LIN9: variants seen among roughly 807,000 people sequenced by gnomAD.
LIN9 encodes protein lin-9 homolog.
LIN9 carries 18 observed loss-of-function variants against 78.0 expected under a neutral mutation model. The observed-to-expected ratio is 0.23, with a 90% CI of 0.16 to 0.34. LIN9 has a LOEUF of 0.34. LIN9 is among the 10% of genes least tolerant of loss of function. The probability of loss-of-function intolerance (pLI) is 1.00; values close to 1 mark genes in which losing one functional copy is unlikely to be tolerated. For synonymous variants in LIN9, 192 were observed against 215.2 expected, an observed-to-expected ratio of 0.89 and a Z score of 0.94; for missense variants, 451 against 644.1, an observed-to-expected ratio of 0.70 and a Z score of 3.25.
chr1:226,245,428 TCCCC>T (rs34415897), intron 11 of LIN9, among the ~76,000 whole-genome samples: 2 of 150,844 alleles, frequency 1.3e-5, no homozygotes, highest in South Asian at 2.1e-4. Flanking sequence ...TTGTCTTTTT[TCCCC>T]CCCCCCAAGA....
chr1:226,299,226 G>C (rs756334862), intron 2 of LIN9, among the ~76,000 whole-genome samples: 1 of 151,840 alleles, frequency 6.6e-6, no homozygotes. Flanking sequence ...AATGAGTGCC[G>C]GGTGCAGTGG....
intron 6 of LIN9, among the ~76,000 whole-genome samples, chr1:226,282,270 C>T (rs946053920): frequency 2.6e-5 from 4 of 152,248 alleles, no homozygotes; most frequent in Non-Finnish European, 5.9e-5. Flanking sequence ...CAATCTTTTA[C>T]TACTACAAAC....
intron 12 of LIN9, among the ~76,000 whole-genome samples, chr1:226,235,628 T>A (rs1452030049): frequency 6.6e-6 from 1 of 152,198 alleles, no homozygotes; most frequent in East Asian, 1.9e-4. Context: ...ACTCAAAAAA[T>A]TTTGGACTTT....
chr1:226,298,876 G>A (rs1040420365), intron 2 of LIN9, among the ~76,000 whole-genome samples: 1 of 152,054 alleles, frequency 6.6e-6, no homozygotes, highest in Non-Finnish European at 1.5e-5. Flanking sequence ...TGGGCAACAT[G>A]GCAAGTCTCT....
chr1:226,278,018 A>G lies in LIN9; in HGVS notation c.525-86T>C, dbSNP rs560812455. ...TTTTTTTTTTCTTTTTTTGAGATAG[A>G]GTCTGGCTCTGTCATCCAGGCTGGA... On this transcript the variant is annotated intron_variant, in intron 6 of 14. Transcript: ENST00000681046. The G allele has an allele frequency of 7.9e-5, 89 of 1,122,518 alleles. No individual in the cohort carries two copies. The East Asian group carries it at 2.2e-3, about 28-fold the overall frequency. 69.5% of individuals were successfully genotyped at this position (1,122,518 alleles called of 1,614,324 possible). A position where few individuals can be genotyped will look rare whatever the true frequency, so the allele number is the denominator to read the frequency against.
chr1:226,257,198 C>T (rs1266985558), intron 10 of LIN9, among the ~76,000 whole-genome samples: 2 of 151,618 alleles, frequency 1.3e-5, no homozygotes, highest in Non-Finnish European at 2.9e-5. Context: ...GATCTACCCA[C>T]CTCAGCCTCC....
intron 1 of LIN9, among the ~76,000 whole-genome samples, chr1:226,308,258 C>T (rs1471129076): frequency 1.3e-5 from 2 of 152,112 alleles, no homozygotes; most frequent in Non-Finnish European, 2.9e-5. Flanking sequence ...GGAATTGGTG[C>T]TTTTACTTAC....
chr1:226,262,498 A>G (rs548214763), intron 10 of LIN9, among the ~76,000 whole-genome samples: 152 of 152,340 alleles, frequency 1.0e-3, no homozygotes, highest in African/African-American at 3.5e-3. Flanking sequence ...ACCAAAGAAG[A>G]TATACAGATG....
chr1:226,304,235 C>G lies in LIN9; in HGVS notation c.32-3030G>C, dbSNP rs563558583. 2.6e-5 allele frequency among the ~76,000 whole-genome samples: 4 copies of G among 152,274 alleles called. No individual in the cohort carries two copies. In the South Asian group the frequency reaches 8.3e-4, roughly 32 times the overall value. On this transcript the variant is annotated intron_variant, in intron 1 of 14. Coordinates refer to ENST00000681046, the MANE Select transcript of LIN9 (RefSeq NM_001366245.2). ...TGATTAAATTAGAATCTTGCTCTAA[C>G]GAGGTGTTCATTAATCCAAAGATTC...
chr1:226,297,682 G>C (rs1662241910), intron 3 of LIN9, 37 bp downstream of exon 3: 1 of 1,379,760 alleles, frequency 7.2e-7, no homozygotes, highest in East Asian at 2.4e-5. Flanking sequence ...AACTTAGCTA[G>C]AATTATTCTA....
chr1:226,290,403 C>G (rs768864431), intron 4 of LIN9, among the ~76,000 whole-genome samples: 3 of 150,602 alleles, frequency 2.0e-5, no homozygotes, highest in Non-Finnish European at 4.4e-5. Flanking sequence ...TGCAGTGGCA[C>G]GATCTCGGCT....
At chr1:226,236,376 A>G (rs1298630103) in intron 12 of LIN9, among the ~76,000 whole-genome samples, 1 of 151,834 alleles carries the variant, frequency 6.6e-6, no homozygotes, top group Non-Finnish European at 1.5e-5. Context: ...CCTGACTTCT[A>G]GCATCAGAGG....
intron 11 of LIN9, among the ~76,000 whole-genome samples, chr1:226,242,121 C>T (rs912460464): frequency 2.6e-5 from 4 of 152,076 alleles, no homozygotes; most frequent in Middle Eastern, 3.2e-3. Flanking sequence ...ACAAGAATGA[C>T]CAAACCAATT....
intron 1 of LIN9, among the ~76,000 whole-genome samples, chr1:226,301,972 T>A (rs1662562751): frequency 6.6e-6 from 1 of 152,136 alleles, no homozygotes; most frequent in Non-Finnish European, 1.5e-5. Flanking sequence ...AGGGGGCTGA[T>A]GTGAGAGGCC....
chr1:226,243,091 C>T (rs1282309290), intron 11 of LIN9, among the ~76,000 whole-genome samples: 1 of 152,310 alleles, frequency 6.6e-6, no homozygotes, highest in Non-Finnish European at 1.5e-5. Context: ...GCGGGGGTTG[C>T]ACCCCTAACC....
intron 10 of LIN9, among the ~76,000 whole-genome samples, chr1:226,263,889 T>C (rs1187656934): frequency 6.6e-6 from 1 of 151,996 alleles, no homozygotes. Flanking sequence ...CTAGGTAACA[T>C]AGTGAGACTC....
chr1:226,307,738 T>C (rs961578609), intron 1 of LIN9, among the ~76,000 whole-genome samples: 3 of 152,242 alleles, frequency 2.0e-5, no homozygotes, highest in African/African-American at 2.4e-5. Context: ...ATACAGTGAC[T>C]ACTAGCTACA....
At chr1:226,259,072 T>G (rs1469077326) in intron 10 of LIN9, among the ~76,000 whole-genome samples, 1 of 151,210 alleles carries the variant, frequency 6.6e-6, no homozygotes, top group African/African-American at 2.4e-5. Flanking sequence ...GCAATTCTCC[T>G]GTCTCAGCCT....
At chr1:226,238,737 T>A (rs370960589) in intron 12 of LIN9, among the ~76,000 whole-genome samples, 206 of 152,254 alleles carry the variant, frequency 1.4e-3, no homozygotes, top group African/African-American at 4.7e-3. Flanking sequence ...TTTTTCCAAA[T>A]TTTTTTGGAG....
Sources: gnomAD v4.1 joint callset for allele counts (sites outside exome capture counted in the v4.1 genomes callset) on GRCh38, gnomAD v4.1.1 for gene constraint, MANE v1.5 for transcripts, NCBI Gene and HGNC (gene_info 2026-07-23, HGNC 2026-07-21) for gene names.